The following SAMD3 variants were observed in gnomAD, a reference collection of about 807,000 sequenced individuals.
SAMD3 encodes sterile alpha motif domain-containing protein 3.
Under a neutral mutation model 58.5 loss-of-function variants are expected in SAMD3, and 63 were observed. The ratio of observed to expected loss-of-function variants is 1.08; its 90% CI spans 0.88 to 1.33. The LOEUF (loss-of-function observed/expected upper bound fraction) is 1.33. Ranked by LOEUF, SAMD3 falls within the 40% of genes most tolerant of loss-of-function variation. SAMD3 has a pLI of 0.00. For synonymous variants in SAMD3, 220 were observed against 210.3 expected, an observed-to-expected ratio of 1.05 and a Z score of -0.40; for missense variants, 604 against 608.4, an observed-to-expected ratio of 0.99 and a Z score of 0.08.
upstream of SAMD3, chr6:130,223,000 G>A (rs1022693945): frequency 3.9e-5 from 6 of 152,070 alleles, no homozygotes; most frequent in African/African-American, 1.5e-4. Context: ...GAAACAGGGT[G>A]GATCTCAGAC....
chr6:130,317,941 A>C (rs1776441176), intron 1 of SAMD3, among the ~76,000 whole-genome samples: 1 of 152,228 alleles, frequency 6.6e-6, no homozygotes, highest in Non-Finnish European at 1.5e-5. Context: ...CGGGAAGGCC[A>C]AGGTGGCTAG....
intron 5 of SAMD3, among the ~76,000 whole-genome samples, chr6:130,197,282 C>T (rs1794218412): frequency 6.6e-6 from 1 of 152,216 alleles, no homozygotes; most frequent in South Asian, 2.1e-4. Context: ...TCTGTCTAGT[C>T]ATACTCTTAT....
chr6:130,234,732 A>G (rs925108893), intron 2 of SAMD3, among the ~76,000 whole-genome samples: 1 of 152,222 alleles, frequency 6.6e-6, no homozygotes, highest in Non-Finnish European at 1.5e-5. Flanking sequence ...TCCATGCTCT[A>G]ATATTCACTT....
chr6:130,185,122 C>G (rs1792810338), intron 5 of SAMD3, among the ~76,000 whole-genome samples: 1 of 152,120 alleles, frequency 6.6e-6, no homozygotes, highest in Non-Finnish European at 1.5e-5. Context: ...ATAAGGTGAA[C>G]TTAGTTTCCA....
At chr6:130,361,820 G>C (rs559643740) in intron 1 of SAMD3, among the ~76,000 whole-genome samples, 99 of 152,120 alleles carry the variant, frequency 6.5e-4, no homozygotes, top group African/African-American at 2.2e-3. Flanking sequence ...TCTTGGGTTG[G>C]GGAAGTATCA....
At chr6:130,202,270 C>A (rs1309300514) in intron 5 of SAMD3, among the ~76,000 whole-genome samples, 2 of 152,202 alleles carry the variant, frequency 1.3e-5, no homozygotes, top group Non-Finnish European at 2.9e-5. Flanking sequence ...TGAAACAGAA[C>A]CCTCCTGTAC....
At chr6:130,152,196 T>TG (rs1187071808) in intron 9 of SAMD3, among the ~76,000 whole-genome samples, 1 of 151,818 alleles carries the variant, frequency 6.6e-6, no homozygotes, top group Admixed American at 6.6e-5. Flanking sequence ...CAACAGGCGG[T>TG]GGGGGTGGTT....
chr6:130,308,464 C>T (rs1216153235), intron 2 of SAMD3, among the ~76,000 whole-genome samples: 1 of 127,856 alleles, frequency 7.8e-6, no homozygotes, highest in East Asian at 2.0e-4. Flanking sequence ...TAGGAAATGT[C>T]CTTGGGGAGA....
intron 5 of SAMD3, among the ~76,000 whole-genome samples, chr6:130,205,292 ATATTT>A (rs138271256): frequency 0.1 from 15,851 of 151,002 alleles, 1,015 homozygotes; most frequent in African/African-American, 0.18. Context: ...CTATTTTATT[ATATTT>A]TATTTTATTT....
At position 130,215,288 on chromosome 6, in the gene SAMD3, A is replaced by G. The variant is rs1795936164; in HGVS notation, c.-15T>C. The G allele has an allele frequency of 6.3e-7, 1 of 1,592,168 alleles. No homozygotes were observed. Among genetic ancestry groups the G allele is most frequent in the Admixed American group, 1.7e-5 (1 of 58,564 alleles). On this transcript the variant is annotated 5_prime_UTR_variant, in exon 3 of 12. Coordinates refer to ENST00000439090, the MANE Select transcript of SAMD3 (RefSeq NM_001017373.4). ...CAGGTTTCCATTGCTGTCTCCTGTAAATACACCTGTAGAGCAAAAGGTCAG... is the reference window on the plus strand; with the variant it reads ...CAGGTTTCCATTGCTGTCTCCTGTAGATACACCTGTAGAGCAAAAGGTCAG...
chr6:130,358,536 GA>G (rs1777898918), intron 1 of SAMD3, among the ~76,000 whole-genome samples: 1 of 152,126 alleles, frequency 6.6e-6, no homozygotes, highest in Non-Finnish European at 1.5e-5. Flanking sequence ...GACAGAGGAG[GA>G]AAAGGGCTTG....
chr6:130,149,791 C>T (rs116975616), intron 9 of SAMD3, among the ~76,000 whole-genome samples: 2,818 of 152,210 alleles, frequency 0.019, 40 homozygotes, highest in South Asian at 0.033. Flanking sequence ...GATGAAATAA[C>T]CTGTACACCA....
At chr6:130,209,667 C>T (rs1795367477) in intron 4 of SAMD3, 59 bp from the exon 5 acceptor site, 2 of 1,123,720 alleles carry the variant, frequency 1.8e-6, no homozygotes, top group Non-Finnish European at 2.7e-6. Flanking sequence ...ATTGATCTCA[C>T]AGCAGCTCTG....
chr6:130,177,101 C>A (rs1456410618), intron 7 of SAMD3, among the ~76,000 whole-genome samples: 1 of 152,112 alleles, frequency 6.6e-6, no homozygotes, highest in Non-Finnish European at 1.5e-5. Context: ...GAATCAATTC[C>A]TGGAGGACCT....
intron 1 of SAMD3, among the ~76,000 whole-genome samples, chr6:130,325,896 C>T (rs1260826798): frequency 1.3e-5 from 2 of 152,134 alleles, no homozygotes. Flanking sequence ...AGAAGTTGAC[C>T]GGCCTGGCTT....
intron 2 of SAMD3, among the ~76,000 whole-genome samples, chr6:130,286,646 G>C (rs1279424106): frequency 6.6e-5 from 10 of 151,772 alleles, no homozygotes; most frequent in African/African-American, 1.9e-4. Flanking sequence ...CGATGCTTCT[G>C]TATTTTCTTT....
At chr6:130,223,247 T>G (rs910802025), upstream of SAMD3, among the ~76,000 whole-genome samples, 12 of 152,334 alleles carry the variant, frequency 7.9e-5, no homozygotes, top group African/African-American at 2.9e-4. Flanking sequence ...AGTCAAGGAC[T>G]CAAAGCTTTG....
chr6:130,153,349 T>C (rs1789395208), intron 9 of SAMD3, among the ~76,000 whole-genome samples: 1 of 152,198 alleles, frequency 6.6e-6, no homozygotes, highest in Non-Finnish European at 1.5e-5. Context: ...TGGAAAGCAC[T>C]GAGAACATGC....
chr6:130,266,809 C>T (rs12193763), intron 2 of SAMD3, among the ~76,000 whole-genome samples: 46,978 of 151,786 alleles, frequency 0.31, 7,590 homozygotes, highest in East Asian at 0.47. Flanking sequence ...ATGCTTCTTG[C>T]GAAAAGCGAA....
Sources: allele counts gnomAD v4.1 joint callset (sites outside exome capture counted in the v4.1 genomes callset), GRCh38; gene constraint gnomAD v4.1.1; transcripts MANE v1.5; gene names NCBI Gene and HGNC (gene_info 2026-07-23, HGNC 2026-07-21).